The following USP24 variants were observed in gnomAD, a reference collection of about 807,000 sequenced individuals.
The protein encoded by USP24 is ubiquitin carboxyl-terminal hydrolase 24.
USP24 carries 97 observed loss-of-function variants against 361.6 expected under a neutral mutation model. The observed-to-expected ratio is 0.27, with a 90% CI of 0.23 to 0.32. The LOEUF is 0.32. Ranked by LOEUF, USP24 falls within the 10% of genes least tolerant of loss-of-function variation. The probability of loss-of-function intolerance (pLI) is 1.00; values close to 1 mark genes in which losing one functional copy is unlikely to be tolerated. For synonymous variants in USP24, 1,098 were observed against 1,124.6 expected, an observed-to-expected ratio of 0.98 and a Z score of 0.47; for missense variants, 2,353 against 3,165.6, an observed-to-expected ratio of 0.74 and a Z score of 6.16.
Position 55,134,402 on chromosome 1 carries a change from G to T in USP24, c.3213C>A (p.Leu1071=). ...ATACGAGAGCCATCACTACACCAGG[G>T]AGGGATTTCTCCTGATGGAAAAAAG... ...SSYAMEQEKS[L]PGVVMALVCN... Residue 1071 remains leucine, a synonymous_variant, in exon 29 of 68, where the codon CTC becomes CTA. Transcript: ENST00000294383. The T allele has an allele frequency of 6.2e-7, 1 of 1,610,594 alleles. No individual in the cohort carries two copies. Among genetic ancestry groups the T allele is most frequent in the Non-Finnish European group, 8.5e-7 (1 of 1,177,422 alleles).
In USP24 at chr1:55,120,602, T is replaced by C; in HGVS notation, c.4502A>G (p.Asn1501Ser). Residue 1501 changes from asparagine (N) to serine (S), a missense_variant, in exon 38 of 68, where the codon AAT (asparagine) becomes AGT (serine). By Grantham distance (46) the Asn-to-Ser change is conservative. Transcript: ENST00000294383. ...TTCCATTTTTATTACCTACCTCTGA[T>C]TGACTCCTCTCATAATACTAGTTGG... ...WSPTSIMRGV[N>S]QRLLSQCMEY... 6.5e-7 allele frequency: 1 copy of C among 1,549,980 alleles called. No homozygotes were observed. The highest frequency in any genetic ancestry group is 8.7e-7 in the Non-Finnish European group (1 of 1,146,862).
At chr1:55,129,344 T>C in intron 32 of USP24, 133 bp downstream of exon 32, 4 of 600,954 alleles carry the variant, frequency 6.7e-6, no homozygotes, top group Non-Finnish European at 1.1e-5. Context: ...GAAACATCAT[T>C]CCTTCTTATA....
intron 52 of USP24, among the ~76,000 whole-genome samples, chr1:55,093,174 G>A (rs1645419975): frequency 6.6e-6 from 1 of 152,148 alleles, no homozygotes; most frequent in African/African-American, 2.4e-5. Context: ...CCATGTGAAG[G>A]ACAAATGAAT....
Position 55,072,423 on chromosome 1 carries a change from A to G in USP24, c.7603-20T>C. 1 of 1,602,254 alleles carries G rather than the reference A, an allele frequency of 6.2e-7. No homozygotes were observed. Among genetic ancestry groups the G allele is most frequent in the Non-Finnish European group, 8.5e-7 (1 of 1,171,640 alleles). ...TGACATCTGAGATGAAAGGTCAAAA[A>G]TGCCATCAGAGGTGACAAATAAGCC... is the stretch of plus-strand genomic sequence containing the variant. On this transcript the variant is annotated intron_variant, in intron 65 of 67. Transcript: ENST00000294383.
intron 1 of USP24, among the ~76,000 whole-genome samples, chr1:55,192,244 C>T (rs1329510483): frequency 6.6e-6 from 1 of 152,112 alleles, no homozygotes; most frequent in Non-Finnish European, 1.5e-5. Context: ...TAATTTAAGC[C>T]TTCTTTGTTG....
intron 38 of USP24, among the ~76,000 whole-genome samples, chr1:55,116,200 A>G (rs1210565955): frequency 1.3e-5 from 2 of 152,210 alleles, no homozygotes; most frequent in African/African-American, 4.8e-5. Flanking sequence ...TACATTAAAA[A>G]CAAGAAAAGG....
intron 32 of USP24, among the ~76,000 whole-genome samples, chr1:55,125,998 T>C (rs778934606): frequency 1.3e-5 from 2 of 152,198 alleles, no homozygotes; most frequent in African/African-American, 2.4e-5. Context: ...AAAAGACCCA[T>C]CAGGGTGATC....
Position 55,178,134 on chromosome 1 carries a change from T to C in USP24, c.325-2A>G. On this transcript the variant is annotated splice_acceptor_variant, in intron 1 of 67. Coordinates refer to ENST00000294383, the MANE Select transcript of USP24 (RefSeq NM_015306.3). LOFTEE classifies it high-confidence loss of function. ...GCAGTTTCCATTCTCATCATTCTTC[T>C]GACGAAAAGGGATTAAGATAAAAAG... is the stretch of plus-strand genomic sequence containing the variant. 2 of 1,542,942 alleles carry C rather than the reference T, an allele frequency of 1.3e-6. No homozygotes were observed. The highest frequency in any genetic ancestry group is 1.7e-6 in the Non-Finnish European group (2 of 1,144,996).
chr1:55,083,164 T>C (rs1254224687), intron 58 of USP24, 108 bp downstream of exon 58: 4 of 1,051,906 alleles, frequency 3.8e-6, no homozygotes, highest in Non-Finnish European at 4.1e-6. Context: ...TCTATGGTAC[T>C]ACTACTTAGA....
chr1:55,066,877 A>G lies in USP24; in HGVS notation c.*2168T>C, dbSNP rs1270173178. 6.6e-6 allele frequency: 1 copy of G among 152,188 alleles called. No homozygotes were observed. The highest frequency in any genetic ancestry group is 1.9e-4 in the East Asian group (1 of 5,198). 9.4% of individuals were successfully genotyped at this position (152,188 alleles called of 1,614,324 possible). A position where few individuals can be genotyped will look rare whatever the true frequency, so the allele number is the denominator to read the frequency against. ...CCAAAAAATTGGCAGTAAAAATGACAACTCTTCCAAGGTAAGCCTGTCATA... is the reference window on the plus strand; with the variant it reads ...CCAAAAAATTGGCAGTAAAAATGACGACTCTTCCAAGGTAAGCCTGTCATA... On this transcript the variant is annotated 3_prime_UTR_variant, in exon 68 of 68. Transcript: ENST00000294383.
chr1:55,099,713 A>G (rs1044800075), intron 45 of USP24, 58 bp downstream of exon 45: 22 of 1,231,646 alleles, frequency 1.8e-5, no homozygotes, highest in Middle Eastern at 1.9e-4. Context: ...CTAAGACACT[A>G]TTCTCATACT....
At chr1:55,142,657 C>T (rs1646922666) in intron 23 of USP24, 85 bp downstream of exon 23, 1 of 986,044 alleles carries the variant, frequency 1.0e-6, no homozygotes, top group African/African-American at 1.7e-5. Flanking sequence ...CAAACATCAA[C>T]ATTATAAATT....
Position 55,215,239 on chromosome 1 carries a change from G to A in USP24, c.-126C>T, listed in dbSNP as rs1644961253. ...GGTTGGCCCCTGCGTTCCTGCCCCG[G>A]GTGCTCCGCAGCAGCCGGGCCAGGC... On this transcript the variant is annotated 5_prime_UTR_variant, in exon 1 of 68. Coordinates refer to ENST00000294383, the MANE Select transcript of USP24 (RefSeq NM_015306.3). 2.6e-6 allele frequency: 2 copies of A among 770,242 alleles called. No individual in the cohort carries two copies. Among genetic ancestry groups the A allele is most frequent in the Non-Finnish European group, 3.4e-6 (2 of 582,430 alleles). 47.7% of individuals were successfully genotyped at this position (770,242 alleles called of 1,614,324 possible).
intron 1 of USP24, among the ~76,000 whole-genome samples, chr1:55,208,920 A>G (rs1366399948): frequency 6.6e-6 from 1 of 152,178 alleles, no homozygotes; most frequent in Non-Finnish European, 1.5e-5. Flanking sequence ...TGGGTGAAAG[A>G]GCAAAACTCC....
At chr1:55,108,630 C>G (rs1645860418) in intron 39 of USP24, among the ~76,000 whole-genome samples, 2 of 152,158 alleles carry the variant, frequency 1.3e-5, no homozygotes, top group African/African-American at 4.8e-5. Context: ...CGAGAATTCC[C>G]CTCACCTCCC....
Position 55,154,364 on chromosome 1 carries a change from C to A in USP24, c.1650+7G>T. ...TGTAGCTAGAAAAATCCATTTGATTCTCCTGCCTTTCCAGAAGTGGTCTCA... is the reference window on the plus strand; with the variant it reads ...TGTAGCTAGAAAAATCCATTTGATTATCCTGCCTTTCCAGAAGTGGTCTCA... On this transcript the variant is annotated splice_region_variant and intron_variant, in intron 14 of 67. Transcript: ENST00000294383. 1 of 1,552,566 alleles carries A rather than the reference C, an allele frequency of 6.4e-7. No individual in the cohort carries two copies. Among genetic ancestry groups the A allele is most frequent in the South Asian group, 1.2e-5 (1 of 84,204 alleles).
chr1:55,073,891 C>A lies in USP24; in HGVS notation c.7463G>T (p.Ser2488Ile), dbSNP rs770231986. Residue 2488 changes from serine to isoleucine, a missense_variant, in exon 64 of 68, where the codon AGT becomes ATT. Ser to Ile is a moderately radical substitution (Grantham distance 142). Around this residue, in one of 8 missense-constraint regions of USP24, gnomAD observed 598 missense variants for 761.9 expected, o/e 0.78. Transcript: ENST00000294383. ...ENGLLALMHHSNHVDSSRCYQ... is the reference protein window; with the variant it reads ...ENGLLALMHHINHVDSSRCYQ... ...GCAGCGACTACTGTCCACATGATTA[C>A]TGTGGTGCATCAAAGCTGAGGGAAG... is the stretch of plus-strand genomic sequence containing the variant. 2.5e-6 allele frequency: 4 copies of A among 1,577,142 alleles called. No homozygotes were observed. The East Asian group carries it at 9.2e-5, about 36-fold the overall frequency.
chr1:55,097,065 T>A lies in USP24; in HGVS notation c.5823A>T (p.Gly1941=), dbSNP rs770423058. 1 of 1,613,718 alleles carries A rather than the reference T, an allele frequency of 6.2e-7. No homozygotes were observed. The highest frequency in any genetic ancestry group is 1.1e-5 in the South Asian group (1 of 91,056). ...GGGCAACCTTTTTTCGTGGGGATCC[T>A]CCACCGCCCTGATCCACACTTCGCC... ...ENGRSVDQGG[G]GSPRKKVALT... is the part of the protein sequence containing the mutation. The change falls in exon 49 of 68, where the codon GGA becomes GGT. Residue 1941 remains glycine (G), a synonymous_variant. Coordinates refer to ENST00000294383, the MANE Select transcript of USP24 (RefSeq NM_015306.3).
intron 13 of USP24, 68 bp downstream of exon 13, chr1:55,154,603 T>C: frequency 6.8e-7 from 1 of 1,465,938 alleles, no homozygotes; most frequent in Non-Finnish European, 9.4e-7. Context: ...GGAGGAGGGG[T>C]ATTCAGGACC....
Sources: allele counts gnomAD v4.1 joint callset (sites outside exome capture counted in the v4.1 genomes callset), GRCh38; gene constraint gnomAD v4.1.1; regional missense constraint gnomAD v4.1.1; transcripts MANE v1.5; gene names NCBI Gene and HGNC (gene_info 2026-07-23, HGNC 2026-07-21).